The following DVL2 variants were observed in gnomAD, a reference collection of about 807,000 sequenced individuals.
DVL2 encodes segment polarity protein dishevelled homolog DVL-2.
Under a neutral mutation model 69.8 loss-of-function variants are expected in DVL2, and 38 were observed. The observed-to-expected ratio is 0.54, with a 90% CI of 0.42 to 0.71. The LOEUF (loss-of-function observed/expected upper bound fraction) is 0.71, where lower values mean the gene tolerates loss of function less well. Among genes scored for constraint, DVL2 ranks in the 30% least tolerant of loss-of-function variants. The probability of loss-of-function intolerance (pLI) is 0.00; values close to 1 mark genes in which losing one functional copy is unlikely to be tolerated. For missense variants in DVL2, 931 were observed against 1,008.1 expected (o/e 0.92, Z 1.04); for synonymous variants, 428 against 392.4 (o/e 1.09, Z -1.07).
intron 9 of DVL2, chr17:7,228,263 C>T (rs538389783): frequency 3.0e-4 from 143 of 470,370 alleles, no homozygotes; most frequent in African/African-American, 2.4e-3. Flanking sequence ...CAAGAGAGTA[C>T]ACGCTGTACA....
In DVL2 at chr17:7,227,496, G is replaced by A. The variant is rs773398000; in HGVS notation, c.1271C>T (p.Ala424Val). 6.2e-7 allele frequency: 1 copy of A among 1,614,200 alleles called. No individual in the cohort carries two copies. The highest frequency in any genetic ancestry group is 8.5e-7 in the Non-Finnish European group (1 of 1,180,036). The change falls in exon 12 of 15, where the codon GCA becomes GTA. Residue 424 changes from alanine (A) to valine (V), a missense_variant. Ala to Val is a moderately conservative substitution (Grantham distance 64). Around this residue, in one of 3 missense-constraint regions of DVL2, gnomAD observed 555 missense variants for 588.8 expected, o/e 0.94. Transcript: ENST00000005340. ...AGCTGCCATGGCCTTGGTCACCGAT[G>A]CCATGTCCGTATGGACGGAGAGACC... is the stretch of plus-strand genomic sequence containing the variant. ...GRGLSVHTDM[A>V]SVTKAMAAPE...
At chr17:7,226,770 A>G in intron 13 of DVL2, 131 bp from the exon 14 acceptor site, 1 of 743,338 alleles carries the variant, frequency 1.3e-6, no homozygotes, top group Admixed American at 3.3e-5. Context: ...GGGGTTCACA[A>G]GGGTCTCTGA....
intron 9 of DVL2, 97 bp from the exon 10 acceptor site, chr17:7,228,141 G>C (rs1017342579): frequency 2.9e-6 from 3 of 1,033,332 alleles, no homozygotes; most frequent in African/African-American, 3.2e-5. Flanking sequence ...ACACAAAGAG[G>C]GGGAGAAGCA....
In DVL2 at chr17:7,227,148, G is replaced by A. The variant is rs750767593; in HGVS notation, c.1485C>T (p.Ile495=). Residue 495 remains isoleucine, a synonymous_variant, in exon 13 of 15, where the codon ATC becomes ATT. Transcript: ENST00000005340. ...CGTAATAGCACTGCTCAGAGAAGGTGATCTTGTTGACGGTGTGTCGGATCA... is the reference window on the plus strand; with the variant it reads ...CGTAATAGCACTGCTCAGAGAAGGTAATCTTGTTGACGGTGTGTCGGATCA... ...AGLIRHTVNK[I]TFSEQCYYVF... 1.2e-6 allele frequency: 2 copies of A among 1,614,210 alleles called. No homozygotes were observed. The highest frequency in any genetic ancestry group is 2.2e-5 in the South Asian group (2 of 91,090).
Position 7,226,656 on chromosome 17 carries a change from G to A in DVL2, c.1544-17C>T, listed in dbSNP as rs756165808. ...TGACTAGGTCTGGAAAGCAAGGGAAGAGAGGAAGAAATCACTGCTTCAAGA... is the reference window on the plus strand; with the variant it reads ...TGACTAGGTCTGGAAAGCAAGGGAAAAGAGGAAGAAATCACTGCTTCAAGA... On this transcript the variant is annotated splice_polypyrimidine_tract_variant and intron_variant, in intron 13 of 14. Transcript: ENST00000005340. The A allele has an allele frequency of 6.0e-6, 9 of 1,499,058 alleles. No homozygotes were observed. The highest frequency in any genetic ancestry group is 1.3e-5 in the South Asian group (1 of 76,382). 92.9% of individuals were successfully genotyped at this position (1,499,058 alleles called of 1,614,324 possible).
Position 7,229,514 on chromosome 17 carries a change from G to A in DVL2, c.748-67C>T, listed in dbSNP as rs769147605. 16 of 1,611,520 alleles carry A rather than the reference G, an allele frequency of 9.9e-6. 1 individual carries two copies. The East Asian group carries it at 1.6e-4, about 16-fold the overall frequency. ...GGGTCAACCCTGGGGTGCTGCCGGTGTCCTGGCACCGCCCAAACCAAAGCC... is the reference window on the plus strand; with the variant it reads ...GGGTCAACCCTGGGGTGCTGCCGGTATCCTGGCACCGCCCAAACCAAAGCC... On this transcript the variant is annotated intron_variant, in intron 6 of 14. Transcript: ENST00000005340. The surrounding 1 kb of genome is among the most constrained non-coding windows in gnomAD (Gnocchi z 4.4).
chr17:7,233,880 C>T, intron 1 of DVL2, 189 bp downstream of exon 1: 1 of 671,672 alleles, frequency 1.5e-6, no homozygotes, highest in Non-Finnish European at 2.6e-6. Flanking sequence ...CTAGTCTGTC[C>T]GTGTGCCTCA....
At position 7,229,228 on chromosome 17, in the gene DVL2, C is replaced by A. The variant is rs1014496182; in HGVS notation, c.864G>T (p.Glu288Asp). Residue 288 changes from glutamate (E) to aspartate (D), a missense_variant, in exon 8 of 15, where the codon GAG (glutamate) becomes GAT (aspartate). Glu to Asp is a conservative substitution (Grantham distance 45, BLOSUM62 2). This residue lies in a region of DVL2 where 555 missense variants were observed against 588.8 expected (regional missense o/e 0.94). Coordinates refer to ENST00000005340, the MANE Select transcript of DVL2 (RefSeq NM_004422.3). The surrounding 1 kb of genome is among the most constrained non-coding windows in gnomAD (Gnocchi z 4.4). ...CAATGTAGATGCCTCCGTCTCCCCG[C>A]TCATTGCTCTGGCCAACAATGGAGA... ...LGISIVGQSN[E>D]RGDGGIYIGS... 2 of 1,614,070 alleles carry A rather than the reference C, an allele frequency of 1.2e-6. No homozygotes were observed. Among genetic ancestry groups the A allele is most frequent in the African/African-American group, 2.7e-5 (2 of 74,924 alleles).
At chr17:7,230,612 A>C in intron 2 of DVL2, 116 bp downstream of exon 2, 1 of 1,316,344 alleles carries the variant, frequency 7.6e-7, no homozygotes, top group Non-Finnish European at 1.1e-6. Flanking sequence ...AACAGACAGG[A>C]GGTAAAGAGC....
At chr17:7,228,198 A>T (rs1212019658) in intron 9 of DVL2, 154 bp from the exon 10 acceptor site, 2 of 604,838 alleles carry the variant, frequency 3.3e-6, no homozygotes, top group Non-Finnish European at 5.9e-6. Context: ...AAGGCACCAC[A>T]ATGTGGATGA....
intron 1 of DVL2, among the ~76,000 whole-genome samples, 196 bp from the exon 2 acceptor site, chr17:7,230,993 C>T (rs1443165308): frequency 5.9e-5 from 9 of 152,188 alleles, no homozygotes. Context: ...CCTTATTTCT[C>T]CTCTCCCTAA....
Position 7,226,563 on chromosome 17 carries a change from A to G in DVL2, c.1620T>C (p.Pro540=), listed in dbSNP as rs749615262. The change falls in exon 14 of 15, where the codon CCT becomes CCC. Residue 540 remains proline (P), a synonymous_variant. Coordinates refer to ENST00000005340, the MANE Select transcript of DVL2 (RefSeq NM_004422.3). The stretch of plus-strand genomic sequence containing the variant: ...GCAGCAGGGGCCAGGGGGTGGCCCC[A>G]GGCAGAGGAGCCAGGGTATCCTGGT... ...ASDQDTLAPL[P]GATPWPLLPT... 4 of 1,608,396 alleles carry G rather than the reference A, an allele frequency of 2.5e-6. No homozygotes were observed. In the South Asian group the frequency reaches 4.4e-5, roughly 18 times the overall value.
intron 9 of DVL2, 53 bp downstream of exon 9, chr17:7,228,916 T>TGAAA: frequency 6.3e-7 from 1 of 1,575,506 alleles, no homozygotes; most frequent in Non-Finnish European, 8.7e-7. Flanking sequence ...AAACAAAACA[T>TGAAA]GAAAGAGAAA....
Position 7,234,097 on chromosome 17 carries a change from A to T in DVL2, c.166T>A (p.Phe56Ile). 1 of 1,614,162 alleles carries T rather than the reference A, an allele frequency of 6.2e-7. No individual in the cohort carries two copies. Among genetic ancestry groups the T allele is most frequent in the Non-Finnish European group, 8.5e-7 (1 of 1,180,024 alleles). Residue 56 changes from phenylalanine (F) to isoleucine (I), a missense_variant, in exon 1 of 15, where the codon TTT becomes ATT. Phe to Ile is a conservative substitution (Grantham distance 21, BLOSUM62 0). This residue lies in a region of DVL2 where 555 missense variants were observed against 588.8 expected (regional missense o/e 0.94). Transcript: ENST00000005340. ...VLQRPAGAKY[F>I]FKSMDQDFGV... ...AAATCCTGATCCATAGACTTGAAAA[A>T]GTACTTGGCGCCCGCGGGCCGCTGC...
rs1427377169 is a variant in DVL2 at position 7,234,392 on chromosome 17, G to A, written c.-130C>T. On this transcript the variant is annotated 5_prime_UTR_variant, in exon 1 of 15. Coordinates refer to ENST00000005340, the MANE Select transcript of DVL2 (RefSeq NM_004422.3). Reference sequence around the variant, plus strand: ...TGACCCAGTACGGGAGAGAAGCAAAGGGGAAAAAGCACGGATCTGCGAGGG... The same window carrying A: ...TGACCCAGTACGGGAGAGAAGCAAAAGGGAAAAAGCACGGATCTGCGAGGG... 7 of 1,089,986 alleles carry A rather than the reference G, an allele frequency of 6.4e-6. No homozygotes were observed. The highest frequency in any genetic ancestry group is 1.6e-5 in the South Asian group (1 of 63,904). The allele number at this position is 1,089,986 out of a possible 1,614,324, so 67.5% of individuals were successfully genotyped here.
At chr17:7,233,701 G>A (rs2071583916) in intron 1 of DVL2, among the ~76,000 whole-genome samples, 1 of 152,160 alleles carries the variant, frequency 6.6e-6, no homozygotes, top group South Asian at 2.1e-4. Context: ...GCCCGCCTCA[G>A]CCTCCCAAAG....
At chr17:7,228,128 G>A (rs952135925) in intron 9 of DVL2, 84 bp from the exon 10 acceptor site, 97 of 1,136,576 alleles carry the variant, frequency 8.5e-5, no homozygotes, top group Non-Finnish European at 1.1e-4. Flanking sequence ...GATGGATTAA[G>A]AGACACAAAG....
intron 9 of DVL2, chr17:7,228,672 C>A (rs376817494): frequency 1.6e-5 from 6 of 367,206 alleles, no homozygotes; most frequent in Non-Finnish European, 2.5e-5. Flanking sequence ...CCTCCACCCC[C>A]CAGGGTTCAA....
At chr17:7,232,957 G>C (rs1226674360) in intron 1 of DVL2, among the ~76,000 whole-genome samples, 1 of 151,952 alleles carries the variant, frequency 6.6e-6, no homozygotes, top group Non-Finnish European at 1.5e-5. Flanking sequence ...GGGTGTGGTG[G>C]CGGACGCCTG....
Sources: allele counts gnomAD v4.1 joint callset (sites outside exome capture counted in the v4.1 genomes callset), GRCh38; gene constraint gnomAD v4.1.1; regional missense constraint gnomAD v4.1.1; non-coding constraint Gnocchi (gnomAD v3.1); transcripts MANE v1.5; gene names NCBI Gene and HGNC (gene_info 2026-07-23, HGNC 2026-07-21).